Variants in PCDHGA8 observed in about 807,000 individuals in gnomAD.
PCDHGA8 encodes protocadherin gamma subfamily A, 8, also known as protocadherin gamma-A8.
In PCDHGA8, 45 loss-of-function variants were observed where a neutral mutation model predicts 59.2. The observed-to-expected ratio is 0.76, with a 90% CI of 0.60 to 0.98. The LOEUF (loss-of-function observed/expected upper bound fraction) is 0.98. Ranked by LOEUF, PCDHGA8 falls within the 50% of genes least tolerant of loss-of-function variation. The pLI is 0.00. For missense variants in PCDHGA8, 1,257 were observed against 1,196.2 expected, an observed-to-expected ratio of 1.05 and a Z score of -0.75; for synonymous variants, 531 against 519.0, an observed-to-expected ratio of 1.02 and a Z score of -0.32.
In PCDHGA8 at chr5:141,485,234, T is replaced by A. The variant is rs780126313; in HGVS notation, c.2425-9573T>A. 1 of 1,614,124 alleles carries A rather than the reference T, an allele frequency of 6.2e-7. No homozygotes were observed. The highest frequency in any genetic ancestry group is 1.1e-5 in the South Asian group (1 of 91,080). On this transcript the variant is annotated intron_variant, in intron 1 of 3. Transcript: ENST00000398604. This position sits in a 1 kb window ranked among gnomAD's most constrained non-coding sequence, Gnocchi z 5.7. ...GCGGTGGGCTACCCTTTTGTTCCTC[T>A]TTTACCACCTGGGTTACGTTTGTGG...
intron 1 of PCDHGA8, chr5:141,399,447 C>CAT: frequency 6.2e-7 from 1 of 1,614,006 alleles, no homozygotes; most frequent in Non-Finnish European, 8.5e-7. Flanking sequence ...ATATCAGAGA[C>CAT]GTCAACGATA....
chr5:141,409,270 T>A (rs761773360), intron 1 of PCDHGA8: 6 of 1,613,996 alleles, frequency 3.7e-6, no homozygotes, highest in Non-Finnish European at 4.2e-6. Flanking sequence ...CTGATCAGAT[T>A]TTGGAGAATT....
intron 1 of PCDHGA8, chr5:141,403,791 A>T: frequency 6.2e-7 from 1 of 1,613,900 alleles, no homozygotes. Context: ...GTGGCATACA[A>T]ATTCTGGAAA....
chr5:141,490,088 ACCACAC>A lies in PCDHGA8; in HGVS notation c.2425-4718_2425-4713del. On this transcript the variant is annotated intron_variant, in intron 1 of 3. Transcript: ENST00000398604. The surrounding 1 kb of genome is among the most constrained non-coding windows in gnomAD (Gnocchi z 5.4). The stretch of plus-strand genomic sequence containing the variant: ...GGCCAACTAGACTATTCTTTTGGAG[ACCACAC>A]ATCTGAGGCAGTGCGGAACCTCTTT... The A allele has an allele frequency of 6.2e-7, 1 of 1,614,190 alleles. No homozygotes were observed. Among genetic ancestry groups the A allele is most frequent in the Non-Finnish European group, 8.5e-7 (1 of 1,180,004 alleles).
chr5:141,469,283 T>C (rs576231993), intron 1 of PCDHGA8, among the ~76,000 whole-genome samples: 1 of 149,898 alleles, frequency 6.7e-6, no homozygotes, highest in African/African-American at 2.5e-5. Flanking sequence ...TCTCAAAAAA[T>C]AAAACAAAAT....
At chr5:141,470,034 C>T (rs1209263598) in intron 1 of PCDHGA8, among the ~76,000 whole-genome samples, 2 of 152,086 alleles carry the variant, frequency 1.3e-5, no homozygotes, top group Non-Finnish European at 2.9e-5. Flanking sequence ...GATGCTGAGG[C>T]GCGAGAACTG....
chr5:141,401,467 G>A (rs1248119954), intron 1 of PCDHGA8, among the ~76,000 whole-genome samples: 1 of 152,196 alleles, frequency 6.6e-6, no homozygotes, highest in Non-Finnish European at 1.5e-5. Context: ...AATTTTCTAA[G>A]TTTATCCAGG....
In PCDHGA8 at chr5:141,487,522, T is replaced by C. The variant is rs764726787; in HGVS notation, c.2425-7285T>C. 2 of 1,614,166 alleles carry C rather than the reference T, an allele frequency of 1.2e-6. No individual in the cohort carries two copies. The highest frequency in any genetic ancestry group is 1.7e-6 in the Non-Finnish European group (2 of 1,180,022). ...TGGCTTCTGCACCCACTCGGAGTGATAGCTTCATGATGGTGAAGTCACCCA... is the reference window on the plus strand; with the variant it reads ...TGGCTTCTGCACCCACTCGGAGTGACAGCTTCATGATGGTGAAGTCACCCA... On this transcript the variant is annotated intron_variant, in intron 1 of 3. Coordinates refer to ENST00000398604, the MANE Select transcript of PCDHGA8 (RefSeq NM_032088.2). This position sits in a 1 kb window ranked among gnomAD's most constrained non-coding sequence, Gnocchi z 5.0.
chr5:141,400,630 A>G, intron 1 of PCDHGA8: 8 of 1,394,666 alleles, frequency 5.7e-6, no homozygotes, highest in East Asian at 2.3e-5. Flanking sequence ...TAGGGAAGTC[A>G]GAGCTGCTCA....
At position 141,476,668 on chromosome 5, in the gene PCDHGA8, G is replaced by A; in HGVS notation, c.2425-18139G>A. The A allele has an allele frequency of 6.2e-7, 1 of 1,614,262 alleles. No individual in the cohort carries two copies. Among genetic ancestry groups the A allele is most frequent in the Non-Finnish European group, 8.5e-7 (1 of 1,180,054 alleles). On this transcript the variant is annotated intron_variant, in intron 1 of 3. Transcript: ENST00000398604. This position sits in a 1 kb window ranked among gnomAD's most constrained non-coding sequence, Gnocchi z 7.6. ...GAAATGAATACTTTGCGCTTCGCGT[G>A]CAGACGCGGGAGGACAGCACCAAGT...
At chr5:141,463,650 A>G (rs1206605758) in intron 1 of PCDHGA8, among the ~76,000 whole-genome samples, 1 of 151,746 alleles carries the variant, frequency 6.6e-6, no homozygotes, top group South Asian at 2.1e-4. Flanking sequence ...ACGGGGTTTC[A>G]CCGTGTTAGC....
chr5:141,413,541 GATAGAA>G (rs2095653692), intron 1 of PCDHGA8: 1 of 1,613,904 alleles, frequency 6.2e-7, no homozygotes, highest in Non-Finnish European at 8.5e-7. Flanking sequence ...AACTTTTTGG[GATAGAA>G]ATAGAAGTAA....
intron 1 of PCDHGA8, chr5:141,415,943 T>A: frequency 1.8e-6 from 1 of 552,806 alleles, no homozygotes; most frequent in Non-Finnish European, 2.7e-6. Flanking sequence ...TCCTCCTGGG[T>A]GGTCACATAT....
chr5:141,446,468 A>G (rs2098503159), intron 1 of PCDHGA8, among the ~76,000 whole-genome samples: 1 of 149,982 alleles, frequency 6.7e-6, no homozygotes, highest in African/African-American at 2.5e-5. Flanking sequence ...GTGATTAGAC[A>G]TATGGTCATC....
intron 1 of PCDHGA8, among the ~76,000 whole-genome samples, chr5:141,481,743 G>C (rs1257734207): frequency 1.3e-5 from 2 of 152,096 alleles, no homozygotes; most frequent in Non-Finnish European, 2.9e-5. Context: ...CACGAGGTCA[G>C]GAGTCCAAGA....
At position 141,392,663 on chromosome 5, in the gene PCDHGA8, A is replaced by C; in HGVS notation, c.-151A>C. 1 of 810,712 alleles carries C rather than the reference A, an allele frequency of 1.2e-6. No homozygotes were observed. Among genetic ancestry groups the C allele is most frequent in the Non-Finnish European group, 1.8e-6 (1 of 543,298 alleles). 50.2% of individuals were successfully genotyped at this position (810,712 alleles called of 1,614,324 possible). A position where few individuals can be genotyped will look rare whatever the true frequency, so the allele number is the denominator to read the frequency against. On this transcript the variant is annotated 5_prime_UTR_variant, in exon 1 of 4. Transcript: ENST00000398604. The stretch of plus-strand genomic sequence containing the variant: ...TCACGAAGACCCGCAGATGCCACAA[A>C]CTAACTGCTGGACTGCAGCGAAACC...
intron 3 of PCDHGA8, 87 bp from the exon 4 acceptor site, chr5:141,510,854 TGTATAG>T: frequency 6.2e-7 from 1 of 1,602,320 alleles, no homozygotes; most frequent in Non-Finnish European, 8.5e-7. Flanking sequence ...CCCAGGGTGC[TGTATAG>T]GCATTCATTA....
chr5:141,483,716 G>C (rs772661472), intron 1 of PCDHGA8, among the ~76,000 whole-genome samples: 1 of 151,974 alleles, frequency 6.6e-6, no homozygotes, highest in Non-Finnish European at 1.5e-5. Context: ...CCAGAATATT[G>C]GTTCCCACCA....
At chr5:141,402,870 C>G in intron 1 of PCDHGA8, 1 of 1,449,300 alleles carries the variant, frequency 6.9e-7, no homozygotes, top group Non-Finnish European at 9.1e-7. Flanking sequence ...AAAAGATCAC[C>G]ATACTTTGCA....
Sources: gnomAD v4.1 joint callset for allele counts (sites outside exome capture counted in the v4.1 genomes callset) on GRCh38, gnomAD v4.1.1 for gene constraint, Gnocchi (gnomAD v3.1) non-coding constraint, MANE v1.5 for transcripts, NCBI Gene and HGNC (gene_info 2026-07-23, HGNC 2026-07-21) for gene names.